RAMP1: variants seen among roughly 807,000 people sequenced by gnomAD.
The protein encoded by RAMP1 is receptor activity modifying protein 1.
In RAMP1, 7 loss-of-function variants were observed where a neutral mutation model predicts 8.2. The ratio of observed to expected loss-of-function variants is 0.85; its 90% CI spans 0.49 to 1.60. The LOEUF (loss-of-function observed/expected upper bound fraction) is 1.60. Among genes scored for constraint, RAMP1 ranks in the 40% most tolerant of loss-of-function variants. The pLI, the probability that RAMP1 is intolerant of heterozygous loss-of-function variation, is 0.00. For missense variants in RAMP1, 192 were observed against 202.4 expected, an observed-to-expected ratio of 0.95 and a Z score of 0.31; for synonymous variants, 92 against 84.7, an observed-to-expected ratio of 1.09 and a Z score of -0.47.
chr2:237,902,477 G>A (rs2062611023), intron 2 of RAMP1, among the ~76,000 whole-genome samples: 1 of 151,854 alleles, frequency 6.6e-6, no homozygotes, highest in Non-Finnish European at 1.5e-5. Context: ...AGGGGGTGGG[G>A]GGAACACAGC....
intron 2 of RAMP1, among the ~76,000 whole-genome samples, chr2:237,887,366 C>T (rs2062444618): frequency 6.6e-6 from 1 of 152,230 alleles, no homozygotes; most frequent in South Asian, 2.1e-4. Context: ...CACCTCACAG[C>T]CTTCCCTGTG....
At chr2:237,888,086 C>T (rs1219723137) in intron 2 of RAMP1, among the ~76,000 whole-genome samples, 2 of 151,978 alleles carry the variant, frequency 1.3e-5, no homozygotes, top group Non-Finnish European at 2.9e-5. Context: ...CAGAATCCTG[C>T]TGTGTCGCCC....
intron 2 of RAMP1, among the ~76,000 whole-genome samples, chr2:237,909,253 T>C (rs1365251658): frequency 2.6e-5 from 4 of 152,152 alleles, no homozygotes; most frequent in African/African-American, 9.7e-5. Flanking sequence ...CCTGGCCCTC[T>C]CACCTGGCAG....
chr2:237,906,907 G>C (rs2062658868), intron 2 of RAMP1, among the ~76,000 whole-genome samples: 1 of 151,938 alleles, frequency 6.6e-6, no homozygotes, highest in African/African-American at 2.4e-5. Context: ...ATTTTTAGTA[G>C]AGATGAGGTT....
intron 1 of RAMP1, among the ~76,000 whole-genome samples, chr2:237,874,373 C>A (rs1299447949): frequency 6.6e-6 from 1 of 152,250 alleles, no homozygotes; most frequent in Non-Finnish European, 1.5e-5. Context: ...GAAGGAGCAG[C>A]TCGGCCTCCG....
At chr2:237,883,119 G>T (rs939488219) in intron 2 of RAMP1, among the ~76,000 whole-genome samples, 2 of 152,156 alleles carry the variant, frequency 1.3e-5, no homozygotes, top group African/African-American at 2.4e-5. Context: ...AACCAGGCTG[G>T]CATGGAGGCC....
At chr2:237,874,956 G>A (rs766668463) in intron 1 of RAMP1, among the ~76,000 whole-genome samples, 2 of 152,174 alleles carry the variant, frequency 1.3e-5, no homozygotes. Context: ...AGGAGGGCAG[G>A]TGGGACTGGG....
In RAMP1 at chr2:237,911,690, C is replaced by A. The variant is rs772817450; in HGVS notation, c.354C>A (p.Ile118=). Residue 118 remains isoleucine, a synonymous_variant, in exon 3 of 3, where the codon ATC becomes ATA. Transcript: ENST00000254661. The part of the protein sequence containing the change: ...GRAVRDPPGS[I]LYPFIVVPIT... Reference sequence around the variant, plus strand: ...CCGTGCGGGACCCGCCCGGCAGCATCCTCTACCCCTTCATCGTGGTCCCCA... The same window carrying A: ...CCGTGCGGGACCCGCCCGGCAGCATACTCTACCCCTTCATCGTGGTCCCCA... 1 of 1,614,026 alleles carries A rather than the reference C, an allele frequency of 6.2e-7. No homozygotes were observed. The highest frequency in any genetic ancestry group is 1.1e-5 in the South Asian group (1 of 91,074).
intron 2 of RAMP1, among the ~76,000 whole-genome samples, chr2:237,906,748 A>C (rs1189787976): frequency 8.0e-6 from 1 of 125,770 alleles, no homozygotes; most frequent in Non-Finnish European, 1.6e-5. Context: ...TTTTAAAGAC[A>C]GTCTTGCTCT....
chr2:237,911,793 A>C lies in RAMP1; in HGVS notation c.*10A>C, dbSNP rs1576563004. ...TGAGGGCATTGTGTAGGCGGGGCCC[A>C]GGCTGCCCGCGGGTGCACCCAGGCT... On this transcript the variant is annotated 3_prime_UTR_variant, in exon 3 of 3. Transcript: ENST00000254661. 6.3e-7 allele frequency: 1 copy of C among 1,589,934 alleles called. No homozygotes were observed. Among genetic ancestry groups the C allele is most frequent in the Non-Finnish European group, 8.6e-7 (1 of 1,167,136 alleles).
chr2:237,889,519 T>G (rs969676322), intron 2 of RAMP1, among the ~76,000 whole-genome samples: 3 of 152,236 alleles, frequency 2.0e-5, no homozygotes, highest in Non-Finnish European at 4.4e-5. Flanking sequence ...ACTTATATTC[T>G]GGGGTCGTAC....
intron 2 of RAMP1, among the ~76,000 whole-genome samples, chr2:237,879,172 G>C (rs1331007072): frequency 6.6e-6 from 1 of 152,206 alleles, no homozygotes; most frequent in East Asian, 1.9e-4. Context: ...TTATGATCCA[G>C]GGAAGACACA....
At chr2:237,903,672 G>A (rs1300228965) in intron 2 of RAMP1, among the ~76,000 whole-genome samples, 3 of 151,798 alleles carry the variant, frequency 2.0e-5, no homozygotes, top group Admixed American at 6.6e-5. Context: ...GACTACAGGT[G>A]CATCCCAGCA....
intron 2 of RAMP1, among the ~76,000 whole-genome samples, chr2:237,907,791 G>A (rs1239939426): frequency 6.6e-6 from 1 of 152,158 alleles, no homozygotes; most frequent in African/African-American, 2.4e-5. Flanking sequence ...TCGTCTCTGA[G>A]TCTAACTCCA....
At chr2:237,882,140 G>A (rs1171797735) in intron 2 of RAMP1, among the ~76,000 whole-genome samples, 10 of 152,060 alleles carry the variant, frequency 6.6e-5, no homozygotes, top group South Asian at 2.1e-4. Context: ...TTATGCAAAC[G>A]TCCATCTCTG....
At chr2:237,900,120 T>A (rs1412894564) in intron 2 of RAMP1, among the ~76,000 whole-genome samples, 1 of 152,124 alleles carries the variant, frequency 6.6e-6, no homozygotes, top group Non-Finnish European at 1.5e-5. Flanking sequence ...TATTAATCTC[T>A]TATACTTCTT....
intron 2 of RAMP1, among the ~76,000 whole-genome samples, chr2:237,880,131 T>G (rs1420702551): frequency 6.6e-6 from 1 of 152,034 alleles, no homozygotes; most frequent in Non-Finnish European, 1.5e-5. Context: ...CCCAGAGATG[T>G]CCATGCGTAA....
chr2:237,874,711 G>C, intron 1 of RAMP1: 1 of 983,334 alleles, frequency 1.0e-6, no homozygotes, highest in Non-Finnish European at 1.2e-6. Context: ...TCCGGGTATG[G>C]CCATCTTATT....
At chr2:237,870,361 C>G (rs1027855598) in intron 1 of RAMP1, among the ~76,000 whole-genome samples, 2 of 152,238 alleles carry the variant, frequency 1.3e-5, no homozygotes, top group East Asian at 3.9e-4. Context: ...TGCCTGAGGA[C>G]TCTCCAGGCC....
Sources: gnomAD v4.1 joint callset for allele counts (sites outside exome capture counted in the v4.1 genomes callset) on GRCh38, gnomAD v4.1.1 for gene constraint, MANE v1.5 for transcripts, NCBI Gene and HGNC (gene_info 2026-07-23, HGNC 2026-07-21) for gene names.